The following DCC variants were observed in gnomAD, a reference collection of about 807,000 sequenced individuals.
DCC encodes netrin receptor DCC.
Under a neutral mutation model 172.5 loss-of-function variants are expected in DCC, and 58 were observed. The ratio of observed to expected loss-of-function variants is 0.34; its 90% confidence interval spans 0.27 to 0.42. DCC has a LOEUF of 0.42. Among genes scored for constraint, DCC ranks in the 10% least tolerant of loss-of-function variants. The probability of loss-of-function intolerance (pLI) is 1.00; values close to 1 mark genes in which losing one functional copy is unlikely to be tolerated. For missense variants in DCC, 1,740 were observed against 1,791.0 expected, an observed-to-expected ratio of 0.97 and a Z score of 0.51; for synonymous variants, 709 against 644.5, an observed-to-expected ratio of 1.10 and a Z score of -1.52.
intron 2 of DCC, among the ~76,000 whole-genome samples, chr18:52,774,170 G>A (rs2037388966): frequency 6.6e-6 from 1 of 152,204 alleles, no homozygotes; most frequent in Admixed American, 6.5e-5. Context: ...TGTTAAAAAT[G>A]AAAATTGTTT....
chr18:53,445,580 C>T (rs1599159074), intron 22 of DCC, among the ~76,000 whole-genome samples: 1 of 152,138 alleles, frequency 6.6e-6, no homozygotes, highest in African/African-American at 2.4e-5. Flanking sequence ...TATCAATGAG[C>T]TTGCTGCAGA....
In DCC at chr18:53,351,461, A is replaced by T. The variant is rs1396050506; in HGVS notation, c.2359+11554A>T. ...ATACAGTGTATATATATATATACAC[A>T]GTGTGTATATATATATATATATATA... On this transcript the variant is annotated intron_variant, in intron 15 of 28. Coordinates refer to ENST00000442544, the MANE Select transcript of DCC (RefSeq NM_005215.4). 6.6e-3 allele frequency among the ~76,000 whole-genome samples: 163 copies of T among 24,700 alleles called. 2 individuals are homozygous for T. The highest frequency in any genetic ancestry group is 9.1e-3 in the Non-Finnish European group (115 of 12,636). The allele number at this position is 24,700 out of a possible 152,430, so 16.2% of individuals were successfully genotyped here. A position where few individuals can be genotyped will look rare whatever the true frequency, so the allele number is the denominator to read the frequency against.
intron 2 of DCC, among the ~76,000 whole-genome samples, chr18:52,778,768 A>G (rs1172271130): frequency 1.3e-5 from 2 of 152,126 alleles, no homozygotes; most frequent in Non-Finnish European, 2.9e-5. Flanking sequence ...TTGTCAAGAT[A>G]TTCTGTTTTA....
intron 7 of DCC, among the ~76,000 whole-genome samples, chr18:53,087,788 A>G (rs2144165058): frequency 6.6e-6 from 1 of 152,278 alleles, no homozygotes; most frequent in Non-Finnish European, 1.5e-5. Context: ...TATAAGGTGT[A>G]AGGAAGGGGT....
intron 5 of DCC, among the ~76,000 whole-genome samples, chr18:53,029,773 T>C (rs1445365707): frequency 1.3e-5 from 2 of 152,202 alleles, no homozygotes; most frequent in African/African-American, 4.8e-5. Flanking sequence ...CAGTCCCATG[T>C]GGCTTGGTAA....
intron 1 of DCC, among the ~76,000 whole-genome samples, chr18:52,666,921 C>G (rs2035467485): frequency 6.6e-6 from 1 of 152,012 alleles, no homozygotes; most frequent in Non-Finnish European, 1.5e-5. Flanking sequence ...TTAAAATTAT[C>G]TCATATAATT....
Position 53,146,272 on chromosome 18 carries a change from A to G in DCC, c.1262-11084A>G, listed in dbSNP as rs2043912303. On this transcript the variant is annotated intron_variant, in intron 7 of 28. Coordinates refer to ENST00000442544, the MANE Select transcript of DCC (RefSeq NM_005215.4). Reference sequence around the variant, plus strand: ...CACAGACTGGGTGATTTATGAAAAAAAAGAAATTTATTTCTTACAGTTCTG... The same window carrying G: ...CACAGACTGGGTGATTTATGAAAAAGAAGAAATTTATTTCTTACAGTTCTG... 2.0e-5 allele frequency among the ~76,000 whole-genome samples: 3 copies of G among 152,180 alleles called. No individual in the cohort carries two copies. In the South Asian group the frequency reaches 6.2e-4, roughly 31 times the overall value.
At chr18:53,279,732 C>T (rs1428179923) in intron 12 of DCC, among the ~76,000 whole-genome samples, 1 of 150,752 alleles carries the variant, frequency 6.6e-6, no homozygotes, top group Non-Finnish European at 1.5e-5. Context: ...GATACATATA[C>T]ACCATGGAAT....
At chr18:52,781,759 C>G (rs1048010138) in intron 2 of DCC, among the ~76,000 whole-genome samples, 1 of 151,998 alleles carries the variant, frequency 6.6e-6, no homozygotes, top group Non-Finnish European at 1.5e-5. Flanking sequence ...GGACAATATT[C>G]TATTTTAGTC....
intron 2 of DCC, among the ~76,000 whole-genome samples, chr18:52,852,331 T>G (rs2038987537): frequency 6.6e-6 from 1 of 152,118 alleles, no homozygotes; most frequent in African/African-American, 2.4e-5. Context: ...ATTCCCAAAT[T>G]ATAGACTTAA....
At chr18:53,025,213 A>G (rs1239812652) in intron 5 of DCC, among the ~76,000 whole-genome samples, 1 of 152,182 alleles carries the variant, frequency 6.6e-6, no homozygotes, top group African/African-American at 2.4e-5. Context: ...CGTGAAAAAT[A>G]GCTATTTAAA....
Position 53,207,721 on chromosome 18 carries a change from A to G in DCC, c.1765A>G (p.Lys589Glu). 6.2e-7 allele frequency: 1 copy of G among 1,613,536 alleles called. No homozygotes were observed. The highest frequency in any genetic ancestry group is 8.5e-7 in the Non-Finnish European group (1 of 1,179,548). The change falls in exon 11 of 29, where the codon AAA becomes GAA. Residue 589 changes from lysine (K) to glutamate (E), a missense_variant. Transcript: ENST00000442544. The stretch of plus-strand genomic sequence containing the variant: ...ACTATCTTATAAACTGGAAGGCCTG[A>G]AAAAATTCACCGAATATAGTCTTCG... ...DGLSYKLEGLKKFTEYSLRFL... is the reference protein window; with the variant it reads ...DGLSYKLEGLEKFTEYSLRFL...
chr18:53,507,044 C>T (rs2046188627), intron 27 of DCC, among the ~76,000 whole-genome samples: 1 of 152,170 alleles, frequency 6.6e-6, no homozygotes, highest in East Asian at 1.9e-4. Flanking sequence ...TCTACAACCT[C>T]AGTTACTACA....
chr18:52,829,381 A>G (rs2038569995), intron 2 of DCC, among the ~76,000 whole-genome samples: 1 of 152,182 alleles, frequency 6.6e-6, no homozygotes, highest in African/African-American at 2.4e-5. Flanking sequence ...CTTTAGATCT[A>G]TTATTTACCC....
At chr18:53,047,791 C>T (rs1270782664) in intron 5 of DCC, among the ~76,000 whole-genome samples, 1 of 151,532 alleles carries the variant, frequency 6.6e-6, no homozygotes, top group Non-Finnish European at 1.5e-5. Flanking sequence ...GGGCAATGTA[C>T]TTAACCTCTC....
chr18:53,439,445 G>C (rs1361070920), intron 22 of DCC, among the ~76,000 whole-genome samples: 1 of 152,152 alleles, frequency 6.6e-6, no homozygotes, highest in African/African-American at 2.4e-5. Context: ...TAGAGTGACA[G>C]AATTATAGAG....
At chr18:53,065,494 T>C (rs528557774) in intron 6 of DCC, among the ~76,000 whole-genome samples, 1 of 152,300 alleles carries the variant, frequency 6.6e-6, no homozygotes, top group South Asian at 2.1e-4. Flanking sequence ...ATATTCACCA[T>C]ACTCCCCTCT....
At chr18:53,121,970 AC>A (rs1408338159) in intron 7 of DCC, among the ~76,000 whole-genome samples, 1 of 151,966 alleles carries the variant, frequency 6.6e-6, no homozygotes, top group African/African-American at 2.4e-5. Context: ...CTCTATGCAA[AC>A]CCTATTTTGA....
At chr18:53,442,700 C>T (rs936938356) in intron 22 of DCC, among the ~76,000 whole-genome samples, 1 of 152,202 alleles carries the variant, frequency 6.6e-6, no homozygotes, top group Non-Finnish European at 1.5e-5. Context: ...AGAGCTAGAC[C>T]TCTTATGCCA....
Sources: gnomAD v4.1 joint callset for allele counts (sites outside exome capture counted in the v4.1 genomes callset) on GRCh38, gnomAD v4.1.1 for gene constraint, MANE v1.5 for transcripts, NCBI Gene and HGNC (gene_info 2026-07-23, HGNC 2026-07-21) for gene names.